The following OSBPL10 variants were observed in gnomAD, a reference collection of about 807,000 sequenced individuals.
OSBPL10 encodes oxysterol binding protein like 10.
Under a neutral mutation model 81.7 loss-of-function variants are expected in OSBPL10, and 49 were observed. That is an observed-to-expected ratio of 0.60 (90% CI 0.48 to 0.76). The LOEUF is 0.76. Ranked by LOEUF, OSBPL10 falls within the 30% of genes least tolerant of loss-of-function variation. The pLI is 0.00. For synonymous variants in OSBPL10, 419 were observed against 383.6 expected, an observed-to-expected ratio of 1.09 and a Z score of -1.08; for missense variants, 923 against 987.8, an observed-to-expected ratio of 0.93 and a Z score of 0.88.
At chr3:32,020,800 G>T (rs1356479333) in intron 2 of OSBPL10, among the ~76,000 whole-genome samples, 1 of 152,172 alleles carries the variant, frequency 6.6e-6, no homozygotes, top group Non-Finnish European at 1.5e-5. Context: ...CCTAAGGAAT[G>T]ATGGCAGGAA....
intron 1 of OSBPL10, among the ~76,000 whole-genome samples, chr3:31,909,504 TAA>T (rs34442689): frequency 4.8e-4 from 70 of 147,202 alleles, no homozygotes; most frequent in Non-Finnish European, 7.7e-4. Flanking sequence ...GCTCAACGTT[TAA>T]AAAAAAAAAG....
intron 1 of OSBPL10, among the ~76,000 whole-genome samples, chr3:31,972,822 A>C (rs1425414342): frequency 6.6e-6 from 1 of 152,186 alleles, no homozygotes; most frequent in Admixed American, 6.5e-5. Flanking sequence ...ACCACACAAA[A>C]ACATAAATAG....
At chr3:31,965,540 T>A (rs1204003219) in intron 1 of OSBPL10, among the ~76,000 whole-genome samples, 1 of 47,068 alleles carries the variant, frequency 2.1e-5, no homozygotes, top group African/African-American at 1.6e-4. Flanking sequence ...TTATATAAAT[T>A]ATATATTATA....
At chr3:31,837,511 GTCATA>G (rs1273192384) in intron 3 of OSBPL10, among the ~76,000 whole-genome samples, 1 of 151,086 alleles carries the variant, frequency 6.6e-6, no homozygotes, top group Non-Finnish European at 1.5e-5. Context: ...TCATATTTAA[GTCATA>G]TTTAAGTTTT....
chr3:31,984,976 A>C (rs1265444842), upstream of OSBPL10, among the ~76,000 whole-genome samples: 1 of 152,168 alleles, frequency 6.6e-6, no homozygotes, highest in African/African-American at 2.4e-5. Flanking sequence ...CGGTGGCTCA[A>C]GCCTGTAATC....
At chr3:32,008,122 C>T (rs947849233) in intron 2 of OSBPL10, among the ~76,000 whole-genome samples, 3 of 151,534 alleles carry the variant, frequency 2.0e-5, no homozygotes, top group Non-Finnish European at 2.9e-5. Flanking sequence ...CAGCCTATTA[C>T]GGGAATGATT....
chr3:31,820,222 T>A (rs1699946635), intron 4 of OSBPL10, among the ~76,000 whole-genome samples: 1 of 152,168 alleles, frequency 6.6e-6, no homozygotes, highest in African/African-American at 2.4e-5. Context: ...TGAAATATTA[T>A]TATTCATGTA....
chr3:32,041,042 C>T (rs891035156), intron 2 of OSBPL10, among the ~76,000 whole-genome samples: 3 of 152,112 alleles, frequency 2.0e-5, no homozygotes, highest in Non-Finnish European at 2.9e-5. Context: ...GAATCAATGG[C>T]CTAGAACCAA....
chr3:31,753,771 G>A (rs1046792454), intron 4 of OSBPL10, among the ~76,000 whole-genome samples: 1 of 152,096 alleles, frequency 6.6e-6, no homozygotes, highest in Admixed American at 6.5e-5. Flanking sequence ...GTTAAATCTT[G>A]ATTCTTAATC....
At chr3:31,997,570 G>A (rs762435759) in intron 2 of OSBPL10, among the ~76,000 whole-genome samples, 2 of 151,750 alleles carry the variant, frequency 1.3e-5, no homozygotes, top group Non-Finnish European at 2.9e-5. Context: ...ATCATTCATT[G>A]TTAAAGAGAT....
At chr3:31,864,635 G>A (rs1701132608) in intron 3 of OSBPL10, among the ~76,000 whole-genome samples, 1 of 152,116 alleles carries the variant, frequency 6.6e-6, no homozygotes, top group South Asian at 2.1e-4. Flanking sequence ...AGTGACAAAG[G>A]CAAGGAAGCA....
rs535038562 is a variant in OSBPL10, at chr3:31,728,039, T to G, written c.1095+5218A>C. Among the ~76,000 whole-genome samples, 15 of 152,352 alleles carry G rather than the reference T, an allele frequency of 9.8e-5. No individual in the cohort carries two copies. In the South Asian group the frequency reaches 3.1e-3, roughly 32 times the overall value. ...TTATATCAGTCTCCTTCCCTTATTC[T>G]TAAAACAATTTTTCTTCTTTTGGGA... On this transcript the variant is annotated intron_variant, in intron 6 of 11. Transcript: ENST00000396556.
At chr3:32,007,670 C>T (rs1468298165) in intron 2 of OSBPL10, among the ~76,000 whole-genome samples, 1 of 152,144 alleles carries the variant, frequency 6.6e-6, no homozygotes, top group Non-Finnish European at 1.5e-5. Flanking sequence ...CCCCACACCC[C>T]CTCTCAATCA....
chr3:31,947,191 GA>G (rs1697726758), intron 1 of OSBPL10, among the ~76,000 whole-genome samples: 1 of 152,162 alleles, frequency 6.6e-6, no homozygotes, highest in Non-Finnish European at 1.5e-5. Flanking sequence ...AAAGGATGGG[GA>G]GCAGTTACTG....
intron 4 of OSBPL10, among the ~76,000 whole-genome samples, chr3:31,823,787 T>A (rs994546957): frequency 3.3e-5 from 5 of 152,190 alleles, no homozygotes; most frequent in African/African-American, 1.2e-4. Context: ...ATTCATACTG[T>A]GCACATTTCG....
At chr3:32,008,257 A>G (rs1029275863) in intron 2 of OSBPL10, among the ~76,000 whole-genome samples, 1 of 151,060 alleles carries the variant, frequency 6.6e-6, no homozygotes, top group African/African-American at 2.4e-5. Flanking sequence ...GGTTCAAGCA[A>G]TTCTCCTGCT....
chr3:31,958,826 T>G (rs912426037), intron 1 of OSBPL10, among the ~76,000 whole-genome samples: 1 of 152,220 alleles, frequency 6.6e-6, no homozygotes, highest in Non-Finnish European at 1.5e-5. Flanking sequence ...CCATGTCTAT[T>G]TGTTTACATA....
chr3:31,793,836 C>A (rs1034129247), intron 4 of OSBPL10, among the ~76,000 whole-genome samples: 1 of 152,178 alleles, frequency 6.6e-6, no homozygotes, highest in African/African-American at 2.4e-5. Context: ...TCTATAGGTT[C>A]AAACAACCTC....
intron 6 of OSBPL10, among the ~76,000 whole-genome samples, chr3:31,716,160 G>A (rs1348106986): frequency 3.9e-5 from 6 of 152,150 alleles, no homozygotes. Context: ...CAGAAACTCT[G>A]GGGGCAGGGC....
Sources: gnomAD v4.1 joint callset for allele counts (sites outside exome capture counted in the v4.1 genomes callset) on GRCh38, gnomAD v4.1.1 for gene constraint, MANE v1.5 for transcripts, NCBI Gene and HGNC (gene_info 2026-07-23, HGNC 2026-07-21) for gene names.